The following GABRG3 variants were observed in gnomAD, a reference collection of about 807,000 sequenced individuals.
GABRG3 encodes gamma-aminobutyric acid receptor subunit gamma-3.
Under a neutral mutation model 48.8 loss-of-function variants are expected in GABRG3, and 25 were observed. The observed-to-expected ratio is 0.51, with a 90% CI of 0.37 to 0.72. The LOEUF (loss-of-function observed/expected upper bound fraction) is 0.72, where lower values mean the gene tolerates loss of function less well. Among genes scored for constraint, GABRG3 ranks in the 30% least tolerant of loss-of-function variants. The pLI is 0.00. For missense variants in GABRG3, 394 were observed against 577.9 expected (o/e 0.68, Z 3.26); for synonymous variants, 227 against 217.6 (o/e 1.04, Z -0.38).
intron 3 of GABRG3, among the ~76,000 whole-genome samples, chr15:27,138,690 T>C (rs1376840682): frequency 6.6e-6 from 1 of 152,232 alleles, no homozygotes; most frequent in Non-Finnish European, 1.5e-5. Flanking sequence ...CGTCATCTTT[T>C]GTTATGTTCC....
intron 5 of GABRG3, among the ~76,000 whole-genome samples, chr15:27,373,403 G>T (rs969001492): frequency 6.6e-6 from 1 of 152,172 alleles, no homozygotes; most frequent in African/African-American, 2.4e-5. Context: ...AAAGATTGCT[G>T]TATTAGATAC....
At chr15:27,337,828 A>G (rs1566792730) in intron 5 of GABRG3, among the ~76,000 whole-genome samples, 1 of 152,216 alleles carries the variant, frequency 6.6e-6, no homozygotes. Flanking sequence ...TTGTATGTGC[A>G]TAAACTAAAT....
At chr15:27,421,707 T>C (rs1223573286) in intron 5 of GABRG3, among the ~76,000 whole-genome samples, 1 of 151,854 alleles carries the variant, frequency 6.6e-6, no homozygotes, top group Non-Finnish European at 1.5e-5. Context: ...ATACTGAGTG[T>C]TCTAAGGCAT....
intron 8 of GABRG3, 144 bp from the exon 9 acceptor site, chr15:27,527,789 T>A: frequency 1.0e-6 from 1 of 958,372 alleles, no homozygotes; most frequent in South Asian, 1.6e-5. Flanking sequence ...TCTGAAGATG[T>A]GAATGTGACT....
At chr15:27,213,919 C>T (rs1024285904) in intron 3 of GABRG3, among the ~76,000 whole-genome samples, 8 of 152,254 alleles carry the variant, frequency 5.3e-5, no homozygotes, top group South Asian at 4.1e-4. Flanking sequence ...TGAGTTTCAG[C>T]GAAGGGGGAA....
At chr15:27,441,438 GA>G (rs1888780707) in intron 5 of GABRG3, among the ~76,000 whole-genome samples, 1 of 152,172 alleles carries the variant, frequency 6.6e-6, no homozygotes, top group Non-Finnish European at 1.5e-5. Context: ...TGTTTGACAT[GA>G]AGAGCAGCCC....
At chr15:27,241,920 T>C (rs987116498) in intron 3 of GABRG3, among the ~76,000 whole-genome samples, 2 of 152,214 alleles carry the variant, frequency 1.3e-5, no homozygotes, top group Non-Finnish European at 2.9e-5. Context: ...AAGTTAAGAA[T>C]TGAATTTGAC....
At chr15:27,456,100 G>C (rs1475357696) in intron 5 of GABRG3, among the ~76,000 whole-genome samples, 1 of 152,082 alleles carries the variant, frequency 6.6e-6, no homozygotes, top group Non-Finnish European at 1.5e-5. Context: ...ACTGCTTCTG[G>C]TCCTGCAGGT....
intron 6 of GABRG3, among the ~76,000 whole-genome samples, chr15:27,500,825 A>C (rs2150853711): frequency 7.0e-6 from 1 of 142,188 alleles, no homozygotes; most frequent in East Asian, 2.2e-4. Context: ...CTGCAGGTGT[A>C]ATTTGTATTT....
At chr15:27,228,118 T>C (rs1054346874) in intron 3 of GABRG3, among the ~76,000 whole-genome samples, 1 of 152,234 alleles carries the variant, frequency 6.6e-6, no homozygotes, top group African/African-American at 2.4e-5. Context: ...TGAAGGTTTG[T>C]TACATAGATA....
At chr15:27,272,585 G>A (rs1462562992) in intron 3 of GABRG3, among the ~76,000 whole-genome samples, 1 of 152,152 alleles carries the variant, frequency 6.6e-6, no homozygotes, top group Non-Finnish European at 1.5e-5. Flanking sequence ...CTAAGTCAGG[G>A]CTGAATCATC....
chr15:27,081,339 G>A (rs538816829), intron 3 of GABRG3, among the ~76,000 whole-genome samples: 1 of 151,752 alleles, frequency 6.6e-6, no homozygotes, highest in South Asian at 2.1e-4. Flanking sequence ...GACTGCTTTG[G>A]GTTGGGAAAC....
At chr15:27,142,052 T>C (rs939354460) in intron 3 of GABRG3, among the ~76,000 whole-genome samples, 9 of 152,270 alleles carry the variant, frequency 5.9e-5, no homozygotes, top group Non-Finnish European at 1.0e-4. Context: ...ACCTTGATTT[T>C]AAAAGTATTT....
At position 27,523,141 on chromosome 15, in the gene GABRG3, G is replaced by T. The variant is rs1195638262; in HGVS notation, c.865+3017G>T. ...ATGTTAAATTTCTAGAAAAATGTTA[G>T]GATTATATTAGATTAGATAAAGATT... is the stretch of plus-strand genomic sequence containing the variant. On this transcript the variant is annotated intron_variant, in intron 7 of 9. Coordinates refer to ENST00000615808, the MANE Select transcript of GABRG3 (RefSeq NM_033223.5). Among the ~76,000 whole-genome samples the T allele has an allele frequency of 2.0e-5, 3 of 151,680 alleles. No homozygotes were observed. The East Asian group carries it at 5.8e-4, about 29-fold the overall frequency.
chr15:27,174,674 G>T, intron 3 of GABRG3, among the ~76,000 whole-genome samples: 1 of 150,600 alleles, frequency 6.6e-6, no homozygotes, highest in African/African-American at 2.5e-5. Flanking sequence ...TGTTTTCAAT[G>T]CATTTTAATC....
chr15:27,511,442 A>G (rs1890892775), intron 6 of GABRG3, among the ~76,000 whole-genome samples: 1 of 152,234 alleles, frequency 6.6e-6, no homozygotes, highest in African/African-American at 2.4e-5. Context: ...TACATGAGTT[A>G]CAAAAGAGAT....
intron 2 of GABRG3, among the ~76,000 whole-genome samples, chr15:27,007,243 C>A (rs1895604367): frequency 6.6e-6 from 1 of 151,844 alleles, no homozygotes; most frequent in Non-Finnish European, 1.5e-5. Flanking sequence ...CCATCCCTGG[C>A]TAATTTTTCA....
intron 3 of GABRG3, among the ~76,000 whole-genome samples, chr15:27,316,422 A>G (rs984606817): frequency 3.6e-4 from 55 of 151,462 alleles, no homozygotes; most frequent in African/African-American, 1.2e-3. Context: ...AAAAATGGTT[A>G]AACTGTCTTC....
In GABRG3 at chr15:27,122,088, A is replaced by G. The variant is rs562148978; in HGVS notation, c.270+95267A>G. Among the ~76,000 whole-genome samples, 3 of 152,322 alleles carry G rather than the reference A, an allele frequency of 2.0e-5. No individual in the cohort carries two copies. In the East Asian group the frequency reaches 5.8e-4, roughly 29 times the overall value. On this transcript the variant is annotated intron_variant, in intron 3 of 9. Coordinates refer to ENST00000615808, the MANE Select transcript of GABRG3 (RefSeq NM_033223.5). ...TAGTCAAAATAATTGTACATTTTAA[A>G]ATAACTAAAAGAGTGTAATTGGATT...
Sources: gnomAD v4.1 joint callset for allele counts (sites outside exome capture counted in the v4.1 genomes callset) on GRCh38, gnomAD v4.1.1 for gene constraint, MANE v1.5 for transcripts, NCBI Gene and HGNC (gene_info 2026-07-23, HGNC 2026-07-21) for gene names.